TMEM45B: variants seen among roughly 807,000 people sequenced by gnomAD.
TMEM45B encodes transmembrane protein 45B.
TMEM45B carries 29 observed loss-of-function variants against 27.3 expected under a neutral mutation model. The observed-to-expected ratio is 1.06, with a 90% CI of 0.79 to 1.45. TMEM45B has a LOEUF of 1.45. Ranked by LOEUF, TMEM45B falls within the 40% of genes most tolerant of loss-of-function variation. The pLI, the probability that TMEM45B is intolerant of heterozygous loss-of-function variation, is 0.00. For missense variants in TMEM45B, 348 were observed against 343.9 expected (o/e 1.01, Z -0.09); for synonymous variants, 143 against 134.7 (o/e 1.06, Z -0.43).
In TMEM45B at chr11:129,852,489, A is replaced by G. The variant is rs1947861075; in HGVS notation, c.7A>G (p.Asn3Asp). 5 of 1,589,668 alleles carry G rather than the reference A, an allele frequency of 3.1e-6. No individual in the cohort carries two copies. Among genetic ancestry groups the G allele is most frequent in the Non-Finnish European group, 3.4e-6 (4 of 1,161,168 alleles). MA[N>D]FKGHALPGSF... ...TAATTTTTTAGGTGTCCTGATGGCAAATTTCAAGGGCCACGCGCTTCCAGG... is the reference window on the plus strand; with the variant it reads ...TAATTTTTTAGGTGTCCTGATGGCAGATTTCAAGGGCCACGCGCTTCCAGG... Residue 3 changes from asparagine to aspartate, a missense_variant, in exon 2 of 6, where the codon AAT becomes GAT. By Grantham distance (23) the Asn-to-Asp change is conservative (BLOSUM62 1). Transcript: ENST00000281441.
At chr11:129,828,993 A>G (rs1176937871) in intron 1 of TMEM45B, among the ~76,000 whole-genome samples, 1 of 152,224 alleles carries the variant, frequency 6.6e-6, no homozygotes, top group Non-Finnish European at 1.5e-5. Context: ...CTAGAGAGGA[A>G]GTTAACACTT....
rs979814343 is a variant in TMEM45B, at chr11:129,857,213, G to A, written c.571-100G>A. On this transcript the variant is annotated intron_variant, in intron 4 of 5. Transcript: ENST00000281441. ...TAACGAAGTGTGGGAACTATGAGGC[G>A]GTGGTCACACATGGGCCACTTCGGT... The A allele has an allele frequency of 6.1e-5, 84 of 1,367,628 alleles. No homozygotes were observed. The Admixed American group carries it at 1.4e-3, about 23-fold the overall frequency. The allele number at this position is 1,367,628 out of a possible 1,614,324, so 84.7% of individuals were successfully genotyped here.
chr11:129,855,792 GGTGT>G lies in TMEM45B; in HGVS notation c.473_476del (p.Cys158LeufsTer5), dbSNP rs1421280950. 1.2e-6 allele frequency: 2 copies of G among 1,613,968 alleles called. No individual in the cohort carries two copies. The highest frequency in any genetic ancestry group is 1.7e-6 in the Non-Finnish European group (2 of 1,180,028). On this transcript the variant is annotated frameshift_variant, in exon 4 of 6. Transcript: ENST00000281441. LOFTEE classifies it high-confidence loss of function. ...CTCCTGCTGTATGCTCTGTTCGGAGGGTGTGTTAGTATCTCCCTAGAGGTGATCT... is the reference window on the plus strand; with the variant it reads ...CTCCTGCTGTATGCTCTGTTCGGAGGGTTAGTATCTCCCTAGAGGTGATCT...
chr11:129,854,933 CAT>C (rs1162903554), intron 3 of TMEM45B, 117 bp downstream of exon 3: 4 of 1,242,792 alleles, frequency 3.2e-6, no homozygotes, highest in East Asian at 2.4e-5. Context: ...AGAAAATCCA[CAT>C]CTCTGGACTG....
chr11:129,820,452 T>C (rs1352401825), intron 1 of TMEM45B, among the ~76,000 whole-genome samples: 1 of 152,216 alleles, frequency 6.6e-6, no homozygotes, highest in Non-Finnish European at 1.5e-5. Flanking sequence ...TAGGTTGTTA[T>C]TTGTTTTGGT....
intron 5 of TMEM45B, 75 bp from the exon 6 acceptor site, chr11:129,858,499 T>C: frequency 1.0e-6 from 1 of 960,046 alleles, no homozygotes; most frequent in East Asian, 2.7e-5. Context: ...TAAGAATCAG[T>C]AGATGCCTTC....
chr11:129,816,186 G>A (rs1947348114), intron 1 of TMEM45B, among the ~76,000 whole-genome samples: 1 of 152,146 alleles, frequency 6.6e-6, no homozygotes, highest in African/African-American at 2.4e-5. Context: ...GCCTCTGTCC[G>A]GCTGGCCGCG....
In TMEM45B at chr11:129,833,294, G is replaced by A. The variant is rs374559584; in HGVS notation, c.-9+17396G>A. 9.9e-5 allele frequency among the ~76,000 whole-genome samples: 15 copies of A among 151,736 alleles called. No homozygotes were observed. The East Asian group carries it at 2.7e-3, about 27-fold the overall frequency. ...AAAGGAAATGTAAGTGTGAATTGATGAATGGATAAATAACATATGGCGTTA... is the reference window on the plus strand; with the variant it reads ...AAAGGAAATGTAAGTGTGAATTGATAAATGGATAAATAACATATGGCGTTA... On this transcript the variant is annotated intron_variant, in intron 1 of 5. Transcript: ENST00000281441.
chr11:129,844,736 G>C (rs1274700990), intron 1 of TMEM45B, among the ~76,000 whole-genome samples: 1 of 152,152 alleles, frequency 6.6e-6, no homozygotes, highest in African/African-American at 2.4e-5. Flanking sequence ...TTTGCTAAGA[G>C]AGTAGATCTT....
Position 129,852,503 on chromosome 11 carries a change from C to G in TMEM45B, c.21C>G (p.His7Gln). 1.2e-6 allele frequency: 2 copies of G among 1,603,728 alleles called. No homozygotes were observed. The highest frequency in any genetic ancestry group is 1.7e-6 in the Non-Finnish European group (2 of 1,171,446). ...TCCTGATGGCAAATTTCAAGGGCCA[C>G]GCGCTTCCAGGGAGTTTCTTCCTGA... Reference protein sequence around the residue: MANFKGHALPGSFFLII... With the variant: MANFKGQALPGSFFLII... Residue 7 changes from histidine to glutamine, a missense_variant, in exon 2 of 6, where the codon CAC (histidine) becomes CAG (glutamine). Physicochemically the swap from His to Gln is conservative, Grantham distance 24. Coordinates refer to ENST00000281441, the MANE Select transcript of TMEM45B (RefSeq NM_138788.5).
intron 1 of TMEM45B, chr11:129,826,881 G>A (rs1274287085): frequency 1.3e-5 from 2 of 151,792 alleles, no homozygotes; most frequent in Admixed American, 6.6e-5. Context: ...CTAATTTTTT[G>A]TATTTTTAGT....
In TMEM45B at chr11:129,858,518, G is replaced by A. The variant is rs1432540285; in HGVS notation, c.717-56G>A. On this transcript the variant is annotated intron_variant, in intron 5 of 5. Coordinates refer to ENST00000281441, the MANE Select transcript of TMEM45B (RefSeq NM_138788.5). Reference sequence around the variant, plus strand: ...AATCAGTAGATGCCTTCACATCCTTGGTAATGGATTAAGGGAATCTCTGGC... The same window carrying A: ...AATCAGTAGATGCCTTCACATCCTTAGTAATGGATTAAGGGAATCTCTGGC... 3.2e-6 allele frequency: 4 copies of A among 1,252,720 alleles called. No individual in the cohort carries two copies. The South Asian group carries it at 5.3e-5, about 17-fold the overall frequency. 77.6% of individuals were successfully genotyped at this position (1,252,720 alleles called of 1,614,324 possible). A position where few individuals can be genotyped will look rare whatever the true frequency, so the allele number is the denominator to read the frequency against.
intron 1 of TMEM45B, among the ~76,000 whole-genome samples, chr11:129,837,053 G>A (rs2135573914): frequency 6.6e-6 from 1 of 152,318 alleles, no homozygotes; most frequent in Admixed American, 6.5e-5. Context: ...GTGGCCCAGA[G>A]TCTCAGCAAT....
intron 1 of TMEM45B, 65 bp from the exon 2 acceptor site, chr11:129,852,410 T>G: frequency 6.9e-7 from 1 of 1,454,252 alleles, no homozygotes; most frequent in Non-Finnish European, 9.4e-7. Context: ...TTGTGTTTCC[T>G]GCCAAAATAT....
intron 2 of TMEM45B, 84 bp downstream of exon 2, chr11:129,852,744 A>T: frequency 6.9e-7 from 1 of 1,440,750 alleles, no homozygotes; most frequent in Non-Finnish European, 9.4e-7. Context: ...TGTGAAATAG[A>T]TGTTCCCACT....
At chr11:129,831,963 G>A (rs1478848324) in intron 1 of TMEM45B, among the ~76,000 whole-genome samples, 2 of 150,962 alleles carry the variant, frequency 1.3e-5, no homozygotes, top group Non-Finnish European at 2.9e-5. Context: ...CTACTCAGGA[G>A]GCTGAGGCAG....
intron 1 of TMEM45B, among the ~76,000 whole-genome samples, chr11:129,820,659 G>A (rs1383896958): frequency 6.6e-6 from 1 of 152,160 alleles, no homozygotes; most frequent in African/African-American, 2.4e-5. Context: ...GAGAAACACC[G>A]AATGTCAGGT....
chr11:129,833,898 C>T (rs528317867), intron 1 of TMEM45B, among the ~76,000 whole-genome samples: 1 of 152,230 alleles, frequency 6.6e-6, no homozygotes, highest in Non-Finnish European at 1.5e-5. Flanking sequence ...TCTGCCAATG[C>T]ATTGGTCTCA....
At chr11:129,848,277 G>A (rs12792407) in intron 1 of TMEM45B, among the ~76,000 whole-genome samples, 3,558 of 152,276 alleles carry the variant, frequency 0.023, 55 homozygotes, top group Middle Eastern at 0.11. Flanking sequence ...TCGGGAGGCC[G>A]AGGCTGGCGG....
Sources: gnomAD v4.1 joint callset for allele counts (sites outside exome capture counted in the v4.1 genomes callset) on GRCh38, gnomAD v4.1.1 for gene constraint, MANE v1.5 for transcripts, NCBI Gene and HGNC (gene_info 2026-07-23, HGNC 2026-07-21) for gene names.